SGSM1: variants seen among roughly 807,000 people sequenced by gnomAD.
SGSM1 encodes small G protein signaling modulator 1.
Under a neutral mutation model 133.8 loss-of-function variants are expected in SGSM1, and 73 were observed. The observed-to-expected ratio is 0.55, with a 90% CI of 0.45 to 0.66. The LOEUF is 0.66. Among genes scored for constraint, SGSM1 ranks in the 30% least tolerant of loss-of-function variants. The probability of loss-of-function intolerance (pLI) is 0.00; values close to 1 mark genes in which losing one functional copy is unlikely to be tolerated. For synonymous variants in SGSM1, 563 were observed against 573.0 expected, an observed-to-expected ratio of 0.98 and a Z score of 0.25; for missense variants, 1,213 against 1,448.1, an observed-to-expected ratio of 0.84 and a Z score of 2.64.
At chr22:24,890,570 T>C (rs1204440502) in intron 16 of SGSM1, among the ~76,000 whole-genome samples, 1 of 152,094 alleles carries the variant, frequency 6.6e-6, no homozygotes, top group Non-Finnish European at 1.5e-5. Flanking sequence ...AGGTGGAGTC[T>C]CGCTCTGTTG....
chr22:24,832,690 G>A (rs1399048171), intron 2 of SGSM1, among the ~76,000 whole-genome samples: 2 of 152,192 alleles, frequency 1.3e-5, no homozygotes, highest in Non-Finnish European at 2.9e-5. Context: ...TCATGGTGGT[G>A]CCATCAGTGG....
In SGSM1 at chr22:24,884,036, C is replaced by T. The variant is rs745683184; in HGVS notation, c.1496-17C>T. On this transcript the variant is annotated splice_polypyrimidine_tract_variant and intron_variant, in intron 14 of 24. Transcript: ENST00000400358. ...TCAGGTGGTGGATGATGACACTTTC[C>T]CTCCCTCCCTCAACAGGGCTGGCCT... is the stretch of plus-strand genomic sequence containing the variant. The T allele has an allele frequency of 6.3e-7, 1 of 1,586,394 alleles. No homozygotes were observed. The highest frequency in any genetic ancestry group is 8.6e-7 in the Non-Finnish European group (1 of 1,161,982).
At chr22:24,841,052 G>C (rs2330933) in intron 2 of SGSM1, among the ~76,000 whole-genome samples, 4 of 151,744 alleles carry the variant, frequency 2.6e-5, no homozygotes, top group Admixed American at 2.0e-4. Flanking sequence ...GGGTTTCACC[G>C]TGTTAGCCAA....
intron 4 of SGSM1, among the ~76,000 whole-genome samples, chr22:24,848,273 G>A (rs749760240): frequency 9.9e-5 from 15 of 151,890 alleles, no homozygotes; most frequent in Admixed American, 2.0e-4. Flanking sequence ...CAATTGTTGA[G>A]TGAGTGCCTG....
rs570809966 is a variant in SGSM1 at position 24,817,646 on chromosome 22, C to T, written c.63+11162C>T. On this transcript the variant is annotated intron_variant, in intron 2 of 24. Coordinates refer to ENST00000400358, the MANE Select transcript of SGSM1 (RefSeq NM_001098497.3). ...GATTACAGGCGTGAGCCACCGCTCC[C>T]GGCCATGAGTATCCTCAGCTTTCGT... Among the ~76,000 whole-genome samples, 139 of 152,284 alleles carry T rather than the reference C, an allele frequency of 9.1e-4. 1 individual carries two copies. Among genetic ancestry groups the T allele is most frequent in the African/African-American group, 3.2e-3 (132 of 41,566 alleles).
At chr22:24,828,835 CAGT>C (rs1928943966) in intron 2 of SGSM1, among the ~76,000 whole-genome samples, 1 of 152,186 alleles carries the variant, frequency 6.6e-6, no homozygotes, top group Non-Finnish European at 1.5e-5. Flanking sequence ...AAATGCCCAT[CAGT>C]GGTAGACTGG....
At chr22:24,896,704 C>T (rs1391812275) in intron 18 of SGSM1, among the ~76,000 whole-genome samples, 1 of 151,182 alleles carries the variant, frequency 6.6e-6, no homozygotes, top group Non-Finnish European at 1.5e-5. Context: ...AGGCTGGGCA[C>T]GGTGGCTCAT....
intron 20 of SGSM1, among the ~76,000 whole-genome samples, chr22:24,904,640 A>C (rs1933307363): frequency 1.3e-5 from 2 of 152,258 alleles, no homozygotes; most frequent in Non-Finnish European, 2.9e-5. Flanking sequence ...CGATAAATAT[A>C]AGCTGTTATT....
intron 19 of SGSM1, among the ~76,000 whole-genome samples, chr22:24,900,413 T>TTCTCTC (rs1555935573): frequency 1.4e-5 from 2 of 141,906 alleles, no homozygotes; most frequent in African/African-American, 5.8e-5. Flanking sequence ...CTTTCTGTAT[T>TTCTCTC]TTTGAGACAG....
At chr22:24,914,452 G>C (rs2123739435) in intron 22 of SGSM1, among the ~76,000 whole-genome samples, 1 of 148,726 alleles carries the variant, frequency 6.7e-6, no homozygotes, top group East Asian at 2.0e-4. Context: ...CACCAACCTG[G>C]GTGACAGAGC....
intron 14 of SGSM1, among the ~76,000 whole-genome samples, chr22:24,881,565 C>CAAAAA (rs1380197608): frequency 6.7e-6 from 1 of 148,264 alleles, no homozygotes; most frequent in Non-Finnish European, 1.5e-5. Context: ...GACTCCGTCT[C>CAAAAA]AAAAACAAAA....
chr22:24,902,445 T>C (rs1469887747), intron 20 of SGSM1, among the ~76,000 whole-genome samples: 2 of 152,122 alleles, frequency 1.3e-5, no homozygotes, highest in African/African-American at 4.8e-5. Context: ...TTGAGGCCAC[T>C]TGAGTTCTTC....
At position 24,868,911 on chromosome 22, in the gene SGSM1, G is replaced by T; in HGVS notation, c.1291+56G>T. ...TCACCTGCTAACTGATCCTGAAAAT[G>T]ACTCCAGGTGTTTGAAACTAGAAGA... On this transcript the variant is annotated intron_variant, in intron 12 of 24. Coordinates refer to ENST00000400358, the MANE Select transcript of SGSM1 (RefSeq NM_001098497.3). The T allele has an allele frequency of 3.2e-6, 5 of 1,581,918 alleles. No individual in the cohort carries two copies. The South Asian group carries it at 3.4e-5, about 11-fold the overall frequency.
At position 24,807,972 on chromosome 22, in the gene SGSM1, T is replaced by G. The variant is rs1164078052; in HGVS notation, c.63+1488T>G. ...ATGAGCTCCAGGGCTGCTTGCACAT[T>G]CTAGCATTTTCGAATGAGACATGCA... On this transcript the variant is annotated intron_variant, in intron 2 of 24. Coordinates refer to ENST00000400358, the MANE Select transcript of SGSM1 (RefSeq NM_001098497.3). 2.0e-5 allele frequency among the ~76,000 whole-genome samples: 3 copies of G among 152,138 alleles called. 1 individual carries two copies. Among genetic ancestry groups the G allele is most frequent in the Non-Finnish European group, 4.4e-5 (3 of 68,018 alleles).
chr22:24,863,426 G>A (rs578201474), intron 9 of SGSM1, among the ~76,000 whole-genome samples: 5 of 152,206 alleles, frequency 3.3e-5, no homozygotes, highest in African/African-American at 1.2e-4. Context: ...CAAAGTGCTG[G>A]GATTACAGGC....
chr22:24,886,783 T>C (rs1932632858), intron 16 of SGSM1, 55 bp downstream of exon 16: 6 of 1,534,134 alleles, frequency 3.9e-6, no homozygotes, highest in East Asian at 2.4e-5. Context: ...AGCCAGATAC[T>C]GTGGGGCTGG....
At chr22:24,887,131 G>GTGTGTGTGTGTGTGTGTGTGTA (rs1932655813) in intron 16 of SGSM1, among the ~76,000 whole-genome samples, 3 of 148,522 alleles carry the variant, frequency 2.0e-5, no homozygotes, top group African/African-American at 7.8e-5. Context: ...GTGTGTGTGT[G>GTGTGTGTGTGTGTGTGTGTGTA]TGTGTGTTTT....
In SGSM1 at chr22:24,893,629, C is replaced by T. The variant is rs375351548; in HGVS notation, c.1953+16C>T. ...CAGCAATGAGGTGATGGGCGGCTGG[C>T]CTCGGGGAGCGCGGGGGCTGGGGAA... On this transcript the variant is annotated intron_variant, in intron 17 of 24. Transcript: ENST00000400358. 6.5e-7 allele frequency: 1 copy of T among 1,543,860 alleles called. No homozygotes were observed. Among genetic ancestry groups the T allele is most frequent in the Admixed American group, 1.9e-5 (1 of 51,798 alleles).
intron 8 of SGSM1, 51 bp from the exon 9 acceptor site, chr22:24,859,665 C>G: frequency 6.2e-7 from 1 of 1,611,064 alleles, no homozygotes; most frequent in Middle Eastern, 1.6e-4. Context: ...GGACCTATGT[C>G]CACAGCAACT....
Sources: gnomAD v4.1 joint callset for allele counts (sites outside exome capture counted in the v4.1 genomes callset) on GRCh38, gnomAD v4.1.1 for gene constraint, MANE v1.5 for transcripts, NCBI Gene and HGNC (gene_info 2026-07-23, HGNC 2026-07-21) for gene names.